The following C12orf42 variants were observed in gnomAD, a reference collection of about 807,000 sequenced individuals.
C12orf42 encodes chromosome 12 open reading frame 42, also known as uncharacterized protein C12orf42.
C12orf42 carries 25 observed loss-of-function variants against 21.6 expected under a neutral mutation model. That is an observed-to-expected ratio of 1.16 (90% CI 0.84 to 1.62). The LOEUF is 1.62. C12orf42 is among the 40% of genes most tolerant of loss of function. C12orf42 has a pLI of 0.00. For missense variants in C12orf42, 483 were observed against 459.3 expected (o/e 1.05, Z -0.47); for synonymous variants, 174 against 175.0 (o/e 0.99, Z 0.05).
the C12orf42 span, among the ~76,000 whole-genome samples, chr12:103,512,720 T>C: frequency 6.6e-6 from 1 of 151,980 alleles, no homozygotes; most frequent in Non-Finnish European, 1.5e-5. Flanking sequence ...AAGAAGAGAG[T>C]AGGCTGGCTG....
At chr12:103,164,619 A>G in the C12orf42 span, 1 of 424,392 alleles carries the variant, frequency 2.4e-6, no homozygotes, top group Non-Finnish European at 4.7e-6. Context: ...TATTTTCCAT[A>G]TACTTATACT....
At chr12:103,332,895 T>C (rs2041366728) in intron 4 of C12orf42, among the ~76,000 whole-genome samples, 1 of 152,232 alleles carries the variant, frequency 6.6e-6, no homozygotes, top group African/African-American at 2.4e-5. Flanking sequence ...GATTAGCAGG[T>C]CTGCCCCTCT....
At chr12:103,235,073 C>T (rs183999591), downstream of C12orf42, among the ~76,000 whole-genome samples, 10 of 152,236 alleles carry the variant, frequency 6.6e-5, no homozygotes, top group East Asian at 3.9e-4. Flanking sequence ...TCTGCCTGAA[C>T]GTCATAAGTG....
the C12orf42 span, among the ~76,000 whole-genome samples, chr12:103,191,355 T>C: frequency 6.6e-6 from 1 of 151,780 alleles, no homozygotes; most frequent in Non-Finnish European, 1.5e-5. Context: ...TATAAACAAA[T>C]ACAAAATCAT....
chr12:103,227,502 T>C, the C12orf42 span, among the ~76,000 whole-genome samples: 1 of 151,902 alleles, frequency 6.6e-6, no homozygotes, highest in South Asian at 2.1e-4. Flanking sequence ...AAATAAGGGA[T>C]TGGGGGTTCT....
At chr12:103,440,415 AT>A (rs1344376822) in intron 2 of C12orf42, among the ~76,000 whole-genome samples, 111 of 146,436 alleles carry the variant, frequency 7.6e-4, no homozygotes, top group African/African-American at 2.7e-3. Context: ...TAATAAAAAA[AT>A]AAAATAAAAT....
At chr12:103,266,333 G>C (rs974092250), downstream of C12orf42, among the ~76,000 whole-genome samples, 1 of 152,102 alleles carries the variant, frequency 6.6e-6, no homozygotes, top group Non-Finnish European at 1.5e-5. Flanking sequence ...TTTAGAAAGT[G>C]GATGGCCCAG....
intron 4 of C12orf42, among the ~76,000 whole-genome samples, chr12:103,316,454 T>G (rs1269234562): frequency 1.3e-5 from 2 of 151,880 alleles, no homozygotes; most frequent in Admixed American, 6.6e-5. Context: ...TTAAAAGAAG[T>G]TTTTTGGGGA....
chr12:103,403,391 A>G (rs1220007156), intron 2 of C12orf42, among the ~76,000 whole-genome samples: 1 of 150,276 alleles, frequency 6.7e-6, no homozygotes, highest in Non-Finnish European at 1.5e-5. Flanking sequence ...AAAAAAAAAA[A>G]GAAAAAGGAT....
chr12:103,304,097 T>A (rs79725261), intron 5 of C12orf42, among the ~76,000 whole-genome samples: 5,885 of 152,212 alleles, frequency 0.039, 377 homozygotes, highest in African/African-American at 0.13. Flanking sequence ...AAAGGAACAG[T>A]GTGGTATAAT....
intron 4 of C12orf42, among the ~76,000 whole-genome samples, chr12:103,358,364 G>T (rs1328925561): frequency 6.6e-6 from 1 of 151,994 alleles, no homozygotes; most frequent in African/African-American, 2.4e-5. Context: ...AGAGATCCCA[G>T]GGATATGAGA....
the C12orf42 span, chr12:103,505,272 C>A: frequency 8.0e-6 from 2 of 249,566 alleles, no homozygotes; most frequent in Non-Finnish European, 1.6e-5. Context: ...CCTGAGCAGA[C>A]TCCCCTCACA....
chr12:103,234,749 AC>A (rs1290252037), downstream of C12orf42, among the ~76,000 whole-genome samples: 1 of 152,218 alleles, frequency 6.6e-6, no homozygotes, highest in East Asian at 1.9e-4. Flanking sequence ...ACATATTAAA[AC>A]CCACCAGGTC....
intron 10 of C12orf42, among the ~76,000 whole-genome samples, chr12:103,239,535 A>G (rs114923942): frequency 2.0e-3 from 303 of 152,282 alleles, no homozygotes; most frequent in African/African-American, 6.8e-3. Context: ...TCCTTCAGCT[A>G]TATTACTAGC....
At chr12:103,050,256 C>A in the C12orf42 span, among the ~76,000 whole-genome samples, 2 of 148,518 alleles carry the variant, frequency 1.3e-5, no homozygotes, top group Admixed American at 1.3e-4. Context: ...GTGTGTGTAT[C>A]AAATGGTATA....
the C12orf42 span, among the ~76,000 whole-genome samples, chr12:103,118,547 C>G: frequency 0.56 from 85,534 of 151,732 alleles, 25,124 homozygotes; most frequent in East Asian, 0.78. Context: ...GCCTGTAATC[C>G]CAGCACTTTG....
chr12:103,477,510 G>A (rs2138002164), intron 2 of C12orf42, among the ~76,000 whole-genome samples: 1 of 152,222 alleles, frequency 6.6e-6, no homozygotes, highest in East Asian at 1.9e-4. Flanking sequence ...CGTTGCAAAT[G>A]TGATTAAGAA....
chr12:103,478,480 T>C (rs1431254218), intron 1 of C12orf42, 33 bp from the exon 2 acceptor site: 1 of 1,068,372 alleles, frequency 9.4e-7, no homozygotes, highest in Admixed American at 2.7e-5. Context: ...GAAGAGCAGG[T>C]TTACAATGAT....
chr12:103,273,848 C>T (rs1268434846), intron 5 of C12orf42: 1 of 456,328 alleles, frequency 2.2e-6, no homozygotes, highest in Non-Finnish European at 4.4e-6. Context: ...CAGACTGATG[C>T]ACTCACAGCA....
Sources: allele counts gnomAD v4.1 joint callset (sites outside exome capture counted in the v4.1 genomes callset), GRCh38; gene constraint gnomAD v4.1.1; transcripts MANE v1.5; gene names NCBI Gene and HGNC (gene_info 2026-07-23, HGNC 2026-07-21).